AGBL1: variants seen among roughly 807,000 people sequenced by gnomAD.
The protein encoded by AGBL1 is AGBL carboxypeptidase 1, also known as cytosolic carboxypeptidase 4.
In AGBL1, 130 loss-of-function variants were observed where a neutral mutation model predicts 118.9. That is an observed-to-expected ratio of 1.09 (90% CI 0.95 to 1.26). The LOEUF (loss-of-function observed/expected upper bound fraction) is 1.26. Ranked by LOEUF, AGBL1 falls within the 50% of genes most tolerant of loss-of-function variation. The pLI is 0.00. For synonymous variants in AGBL1, 555 were observed against 478.9 expected, an observed-to-expected ratio of 1.16 and a Z score of -2.08; for missense variants, 1,584 against 1,298.1, an observed-to-expected ratio of 1.22 and a Z score of -3.38.
chr15:86,199,141 T>C (rs1239866546), intron 5 of AGBL1, among the ~76,000 whole-genome samples: 1 of 152,212 alleles, frequency 6.6e-6, no homozygotes, highest in Non-Finnish European at 1.5e-5. Flanking sequence ...ATTTACTTAC[T>C]GTTATACAAG....
intron 10 of AGBL1, 135 bp from the exon 11 acceptor site, chr15:86,264,123 T>C: frequency 1.4e-6 from 1 of 738,894 alleles, no homozygotes; most frequent in South Asian, 2.0e-5. Context: ...TAGTCTTTAG[T>C]TGACCTTGGA....
chr15:86,111,569 G>C (rs1412822667), intron 1 of AGBL1, among the ~76,000 whole-genome samples: 1 of 152,146 alleles, frequency 6.6e-6, no homozygotes, highest in Non-Finnish European at 1.5e-5. Context: ...CTGCTGCTTT[G>C]GTATGAGTGG....
At chr15:86,175,491 A>C (rs1325317067) in intron 5 of AGBL1, among the ~76,000 whole-genome samples, 2 of 151,694 alleles carry the variant, frequency 1.3e-5, no homozygotes, top group Non-Finnish European at 2.9e-5. Context: ...TTTAGTCTCT[A>C]TTTCATTTAG....
intron 22 of AGBL1, among the ~76,000 whole-genome samples, chr15:86,719,434 G>GAAAAAT (rs1262348630): frequency 1.8e-4 from 28 of 152,272 alleles, no homozygotes; most frequent in African/African-American, 5.3e-4. Flanking sequence ...AAAAGAAAAA[G>GAAAAAT]ACACAGCATC....
intron 23 of AGBL1, among the ~76,000 whole-genome samples, chr15:86,986,878 C>T (rs1044732634): frequency 2.0e-5 from 3 of 152,020 alleles, no homozygotes; most frequent in Non-Finnish European, 2.9e-5. Flanking sequence ...TGGGTTCAGG[C>T]GGGCTGAGTC....
chr15:86,731,778 G>T (rs1466494157), intron 22 of AGBL1, among the ~76,000 whole-genome samples: 1 of 152,222 alleles, frequency 6.6e-6, no homozygotes, highest in African/African-American at 2.4e-5. Context: ...ATGTCTTGAA[G>T]TAAAGCTTGC....
chr15:86,737,610 C>T (rs1429897007), intron 22 of AGBL1, among the ~76,000 whole-genome samples: 12 of 152,056 alleles, frequency 7.9e-5, no homozygotes, highest in South Asian at 6.2e-4. Flanking sequence ...TTTCCTCCTA[C>T]GTAGGGTATG....
At chr15:86,596,365 G>A (rs1327682103) in intron 21 of AGBL1, among the ~76,000 whole-genome samples, 1 of 152,062 alleles carries the variant, frequency 6.6e-6, no homozygotes, top group Non-Finnish European at 1.5e-5. Flanking sequence ...GTTCCTCACT[G>A]GGGGTTGGAT....
At chr15:86,926,677 G>T (rs1018223377) in intron 23 of AGBL1, among the ~76,000 whole-genome samples, 2 of 152,182 alleles carry the variant, frequency 1.3e-5, no homozygotes, top group African/African-American at 4.8e-5. Flanking sequence ...TGAGACACAT[G>T]TAGAATAATT....
chr15:86,559,580 C>A (rs1178198120), intron 21 of AGBL1, among the ~76,000 whole-genome samples: 1 of 152,162 alleles, frequency 6.6e-6, no homozygotes, highest in Non-Finnish European at 1.5e-5. Flanking sequence ...ATAATGATAA[C>A]AAACACATCT....
chr15:86,419,836 C>A (rs1896771548), intron 18 of AGBL1, among the ~76,000 whole-genome samples: 1 of 152,182 alleles, frequency 6.6e-6, no homozygotes, highest in African/African-American at 2.4e-5. Context: ...ACAGTGTAAA[C>A]AAAGCCGCCC....
At chr15:86,200,550 A>ACCCCC (rs60352336) in intron 5 of AGBL1, among the ~76,000 whole-genome samples, 6 of 72,152 alleles carry the variant, frequency 8.3e-5, no homozygotes, top group Non-Finnish European at 1.8e-4. Context: ...ATAGACCCCT[A>ACCCCC]CCCCCCCCCC....
chr15:86,833,558 C>T (rs1048825935), intron 22 of AGBL1, among the ~76,000 whole-genome samples: 3 of 152,122 alleles, frequency 2.0e-5, no homozygotes, highest in African/African-American at 7.2e-5. Flanking sequence ...CCATATGGAA[C>T]TGTAGGTCCA....
intron 21 of AGBL1, among the ~76,000 whole-genome samples, chr15:86,629,451 C>A (rs77243456): frequency 6.6e-6 from 1 of 151,970 alleles, no homozygotes; most frequent in Non-Finnish European, 1.5e-5. Flanking sequence ...ACAGGACATA[C>A]GAAGCCTAAA....
chr15:86,967,392 G>A (rs2081065585), intron 23 of AGBL1, among the ~76,000 whole-genome samples: 1 of 152,042 alleles, frequency 6.6e-6, no homozygotes, highest in Non-Finnish European at 1.5e-5. Context: ...TAGACATGAA[G>A]TCCTTGCCCA....
chr15:86,269,010 G>A (rs1377529625), intron 13 of AGBL1, among the ~76,000 whole-genome samples: 2 of 152,198 alleles, frequency 1.3e-5, no homozygotes, highest in Non-Finnish European at 2.9e-5. Context: ...AAACTGCATT[G>A]CTAGTTCTGT....
Position 86,674,290 on chromosome 15 carries a change from C to A in AGBL1, c.3012C>A (p.Thr1004=). ...ACTGGCAGGGTCTACAGTTTGGTACCAGAGAACTGGAGGAGATGGGAGCCA... is the reference window on the plus strand; with the variant it reads ...ACTGGCAGGGTCTACAGTTTGGTACAAGAGAACTGGAGGAGATGGGAGCCA... ...QGPYQGLQFG[T]RELEEMGAMF... The change falls in exon 22 of 23, where the codon ACC becomes ACA. Residue 1004 remains threonine (T), a synonymous_variant. Transcript: ENST00000614907. The A allele has an allele frequency of 6.2e-7, 1 of 1,611,108 alleles. No individual in the cohort carries two copies. Among genetic ancestry groups the A allele is most frequent in the African/African-American group, 1.3e-5 (1 of 75,006 alleles).
intron 22 of AGBL1, among the ~76,000 whole-genome samples, chr15:86,865,754 C>A (rs2079619148): frequency 6.6e-6 from 1 of 152,130 alleles, no homozygotes; most frequent in South Asian, 2.1e-4. Flanking sequence ...TCATTTTTTC[C>A]CAGTCCCTCA....
intron 22 of AGBL1, among the ~76,000 whole-genome samples, chr15:86,877,112 C>G (rs1467418791): frequency 6.6e-6 from 1 of 152,116 alleles, no homozygotes; most frequent in Non-Finnish European, 1.5e-5. Flanking sequence ...GGTCAATTAT[C>G]AAATTCCAAC....
Sources: gnomAD v4.1 joint callset for allele counts (sites outside exome capture counted in the v4.1 genomes callset) on GRCh38, gnomAD v4.1.1 for gene constraint, MANE v1.5 for transcripts, NCBI Gene and HGNC (gene_info 2026-07-23, HGNC 2026-07-21) for gene names.